The following ZFPM1 variants were observed in gnomAD, a reference collection of about 807,000 sequenced individuals.
The protein encoded by ZFPM1 is zinc finger protein, FOG family member 1.
ZFPM1 carries 28 observed loss-of-function variants against 46.3 expected under a neutral mutation model. The observed-to-expected ratio is 0.60, with a 90% CI of 0.45 to 0.83. The LOEUF (loss-of-function observed/expected upper bound fraction) is 0.83, where lower values mean the gene tolerates loss of function less well. ZFPM1 is among the 40% of genes least tolerant of loss of function. The pLI, the probability that ZFPM1 is intolerant of heterozygous loss-of-function variation, is 0.00. For synonymous variants in ZFPM1, 957 were observed against 675.9 expected, an observed-to-expected ratio of 1.42 and a Z score of -6.45; for missense variants, 1,878 against 1,432.4, an observed-to-expected ratio of 1.31 and a Z score of -5.02.
At chr16:88,452,479 C>A (rs1427414306), upstream of ZFPM1, among the ~76,000 whole-genome samples, 1 of 152,226 alleles carries the variant, frequency 6.6e-6, no homozygotes, top group African/African-American at 2.4e-5. Context: ...CCGGCTCCCG[C>A]GCCCCCTCCT....
chr16:88,467,849 T>TA (rs1392336783), intron 1 of ZFPM1, among the ~76,000 whole-genome samples: 1 of 152,068 alleles, frequency 6.6e-6, no homozygotes, highest in Non-Finnish European at 1.5e-5. Flanking sequence ...GAGAACTTGA[T>TA]AAAAAAGGGC....
intron 1 of ZFPM1, among the ~76,000 whole-genome samples, chr16:88,472,587 C>G (rs983769922): frequency 2.6e-5 from 4 of 152,124 alleles, no homozygotes; most frequent in African/African-American, 7.2e-5. Context: ...CTCCTGACCT[C>G]GTGATCTGCC....
At chr16:88,505,549 G>A (rs1910602206) in intron 3 of ZFPM1, among the ~76,000 whole-genome samples, 1 of 152,172 alleles carries the variant, frequency 6.6e-6, no homozygotes, top group South Asian at 2.1e-4. Context: ...GAGGCAGGGA[G>A]GAGGTGGGAG....
chr16:88,451,950 C>G (rs972363861), upstream of ZFPM1, among the ~76,000 whole-genome samples: 3 of 152,208 alleles, frequency 2.0e-5, no homozygotes, highest in Non-Finnish European at 4.4e-5. Flanking sequence ...TAAGCCCCCA[C>G]TTCTCCCCTT....
chr16:88,500,108 C>G (rs885074), intron 3 of ZFPM1, among the ~76,000 whole-genome samples: 1 of 152,054 alleles, frequency 6.6e-6, no homozygotes, highest in East Asian at 1.9e-4. Flanking sequence ...TCCGCCCTCC[C>G]ACCCGGCTTC....
intron 1 of ZFPM1, among the ~76,000 whole-genome samples, chr16:88,475,338 A>T (rs1908627647): frequency 1.3e-5 from 2 of 152,112 alleles, no homozygotes; most frequent in South Asian, 4.1e-4. Flanking sequence ...AGCGCACGCG[A>T]TGGGAGGGAA....
At chr16:88,500,149 C>T (rs957473061) in intron 3 of ZFPM1, among the ~76,000 whole-genome samples, 1 of 152,166 alleles carries the variant, frequency 6.6e-6, no homozygotes, top group South Asian at 2.1e-4. Context: ...CACCAGCCCC[C>T]ACCCAGGCCC....
At chr16:88,523,033 C>T (rs1017245784) in intron 4 of ZFPM1, among the ~76,000 whole-genome samples, 1 of 152,140 alleles carries the variant, frequency 6.6e-6, no homozygotes, top group African/African-American at 2.4e-5. Flanking sequence ...TAGTGAAACC[C>T]CGTCCCTACT....
chr16:88,509,142 G>A (rs141404784), intron 3 of ZFPM1, among the ~76,000 whole-genome samples: 25 of 152,228 alleles, frequency 1.6e-4, no homozygotes, highest in African/African-American at 4.8e-4. Context: ...CAGCCTCACC[G>A]CCAGTCCGCT....
At chr16:88,503,270 C>T (rs1013995336) in intron 3 of ZFPM1, among the ~76,000 whole-genome samples, 1 of 133,886 alleles carries the variant, frequency 7.5e-6, no homozygotes, top group African/African-American at 2.9e-5. Flanking sequence ...GTCTGGGGGG[C>T]CCACGGTTCC....
chr16:88,467,093 G>A (rs963645982), intron 1 of ZFPM1, among the ~76,000 whole-genome samples: 2 of 152,050 alleles, frequency 1.3e-5, no homozygotes, highest in Non-Finnish European at 2.9e-5. Context: ...ACGGTTTTCC[G>A]CCAACGGCTA....
intron 3 of ZFPM1, among the ~76,000 whole-genome samples, chr16:88,494,436 C>T (rs1008536767): frequency 1.3e-5 from 2 of 152,150 alleles, no homozygotes; most frequent in South Asian, 2.1e-4. Flanking sequence ...CTGTCCAAAG[C>T]AGGACGCCCG....
chr16:88,487,501 TGACAGCAG>T (rs1437223120), intron 2 of ZFPM1, among the ~76,000 whole-genome samples: 6 of 152,000 alleles, frequency 3.9e-5, no homozygotes, highest in Non-Finnish European at 8.8e-5. Flanking sequence ...CAGGAGGCAG[TGACAGCAG>T]GTCCAAAGGC....
chr16:88,479,706 C>T (rs1163489771), intron 1 of ZFPM1, among the ~76,000 whole-genome samples: 10 of 150,352 alleles, frequency 6.7e-5, no homozygotes, highest in Admixed American at 4.0e-4. Flanking sequence ...CCCCCCCCCA[C>T]CCACCTGCTA....
At position 88,532,176 on chromosome 16, in the gene ZFPM1, A is replaced by G. The variant is rs770604631; in HGVS notation, c.887A>G (p.Gln296Arg). 3 of 1,611,706 alleles carry G rather than the reference A, an allele frequency of 1.9e-6. No homozygotes were observed. The highest frequency in any genetic ancestry group is 1.7e-6 in the Non-Finnish European group (2 of 1,179,154). ...AACGAGCGCGTCTGCCCCTTCCCCCAGTGCCGCAAGAGCTGCCCCAGCGCC... is the reference window on the plus strand; with the variant it reads ...AACGAGCGCGTCTGCCCCTTCCCCCGGTGCCGCAAGAGCTGCCCCAGCGCC... ...YPNERVCPFPQCRKSCPSASS... is the reference protein window; with the variant it reads ...YPNERVCPFPRCRKSCPSASS... The change falls in exon 7 of 10, where the codon CAG becomes CGG. Residue 296 changes from glutamine (Q) to arginine (R), a missense_variant. Physicochemically the swap from Gln to Arg is conservative, Grantham distance 43. Coordinates refer to ENST00000319555, the MANE Select transcript of ZFPM1 (RefSeq NM_153813.3).
rs111415545 is a variant in ZFPM1 at position 88,490,332 on chromosome 16, G to A, written c.268+1179G>A. Among the ~76,000 whole-genome samples the A allele has an allele frequency of 1.5e-3, 235 of 152,340 alleles. 1 individual carries two copies. The highest frequency in any genetic ancestry group is 5.4e-3 in the African/African-American group (224 of 41,590). On this transcript the variant is annotated intron_variant, in intron 3 of 9. Coordinates refer to ENST00000319555, the MANE Select transcript of ZFPM1 (RefSeq NM_153813.3). ...CTCCCAAAGTGCTGGGATTACAGGCGTGAGCCACCACGCCCGGCAGCAAGC... is the reference window on the plus strand; with the variant it reads ...CTCCCAAAGTGCTGGGATTACAGGCATGAGCCACCACGCCCGGCAGCAAGC...
Position 88,536,166 on chromosome 16 carries a change from G to C in ZFPM1, c.*1187G>C, listed in dbSNP as rs1459871003. On this transcript the variant is annotated 3_prime_UTR_variant, in exon 10 of 10. Coordinates refer to ENST00000319555, the MANE Select transcript of ZFPM1 (RefSeq NM_153813.3). ...AAATGGTGTCTCCCTATGTTGCCCA[G>C]GCTGGGCAACCCTATATTTTTTAGA... 3 of 151,992 alleles carry C rather than the reference G, an allele frequency of 2.0e-5. No individual in the cohort carries two copies. Among genetic ancestry groups the C allele is most frequent in the Non-Finnish European group, 4.4e-5 (3 of 68,008 alleles). 9.4% of individuals were successfully genotyped at this position (151,992 alleles called of 1,614,324 possible). A position where few individuals can be genotyped will look rare whatever the true frequency, so the allele number is the denominator to read the frequency against.
chr16:88,508,299 A>C (rs1053425045), intron 3 of ZFPM1, among the ~76,000 whole-genome samples: 2 of 152,142 alleles, frequency 1.3e-5, no homozygotes, highest in African/African-American at 4.8e-5. Flanking sequence ...TCTGTCTCAA[A>C]AAAAAAGAAA....
Position 88,534,791 on chromosome 16 carries a change from C to A in ZFPM1, c.2833C>A (p.Pro945Thr). The A allele has an allele frequency of 1.5e-6, 2 of 1,354,498 alleles. No homozygotes were observed. The highest frequency in any genetic ancestry group is 1.9e-6 in the Non-Finnish European group (2 of 1,048,504). The allele number at this position is 1,354,498 out of a possible 1,614,324, so 83.9% of individuals were successfully genotyped here. Reference protein sequence around the residue: ...SPAAAPEAVPPPPAPPSYSDK... With the variant: ...SPAAAPEAVPTPPAPPSYSDK... ...GGCCGCCGCGCCCGAGGCCGTGCCG[C>A]CCCCGCCGGCGCCCCCCTCCTACTC... The change falls in exon 10 of 10, where the codon CCC (proline) becomes ACC (threonine). Residue 945 changes from proline (P) to threonine (T), a missense_variant. Coordinates refer to ENST00000319555, the MANE Select transcript of ZFPM1 (RefSeq NM_153813.3).
Sources: gnomAD v4.1 joint callset for allele counts (sites outside exome capture counted in the v4.1 genomes callset) on GRCh38, gnomAD v4.1.1 for gene constraint, MANE v1.5 for transcripts, NCBI Gene and HGNC (gene_info 2026-07-23, HGNC 2026-07-21) for gene names.